The following ZNF180 variants were observed in gnomAD, a reference collection of about 807,000 sequenced individuals.
ZNF180 encodes the protein zinc finger protein 180 (HHZ168).
ZNF180 carries 11 observed loss-of-function variants against 11.8 expected under a neutral mutation model. That is an observed-to-expected ratio of 0.93 (90% CI 0.59 to 1.55). ZNF180 has a LOEUF of 1.55. Among genes scored for constraint, ZNF180 ranks in the 40% most tolerant of loss-of-function variants. The pLI is 0.00. For missense variants in ZNF180, 773 were observed against 781.7 expected (o/e 0.99, Z 0.13); for synonymous variants, 287 against 257.7 (o/e 1.11, Z -1.09).
At chr19:44,498,552 A>G (rs1970649927) in intron 1 of ZNF180, among the ~76,000 whole-genome samples, 1 of 151,890 alleles carries the variant, frequency 6.6e-6, no homozygotes. Context: ...TTTCCACCAA[A>G]CTGGGCACCA....
rs143503504 is a variant in ZNF180 at position 44,481,239 on chromosome 19, C to T, written c.127-1830G>A. 2.0e-3 allele frequency among the ~76,000 whole-genome samples: 308 copies of T among 152,258 alleles called. 1 individual carries two copies. Among genetic ancestry groups the T allele is most frequent in the African/African-American group, 7.0e-3 (290 of 41,530 alleles). The stretch of plus-strand genomic sequence containing the variant: ...AAATAGACCAGGCATTCTTGAGCTG[C>T]AGTTCATGAATAGGATACAGGGTCC... On this transcript the variant is annotated intron_variant, in intron 3 of 4. Transcript: ENST00000592529.
chr19:44,482,435 C>T (rs1468256500), intron 3 of ZNF180, among the ~76,000 whole-genome samples: 1 of 152,098 alleles, frequency 6.6e-6, no homozygotes, highest in Non-Finnish European at 1.5e-5. Flanking sequence ...TCCTCAGAGG[C>T]TAAGAATGCT....
chr19:44,490,360 A>C (rs990355105), intron 2 of ZNF180, among the ~76,000 whole-genome samples: 5 of 152,262 alleles, frequency 3.3e-5, no homozygotes, highest in Non-Finnish European at 7.3e-5. Flanking sequence ...AAAATAGCCC[A>C]AAATGCCAGA....
intron 2 of ZNF180, chr19:44,484,819 A>G (rs926020): frequency 0.63 from 128,702 of 202,750 alleles, 42,243 homozygotes; most frequent in East Asian, 0.89. Flanking sequence ...AATACAGCAT[A>G]ACCAATGCCA....
intron 1 of ZNF180, among the ~76,000 whole-genome samples, chr19:44,497,606 T>A (rs1270968633): frequency 6.6e-6 from 1 of 152,094 alleles, no homozygotes; most frequent in Non-Finnish European, 1.5e-5. Context: ...TCCACCATCT[T>A]GGGCCCCTGG....
chr19:44,485,420 C>A (rs978863451), intron 2 of ZNF180, among the ~76,000 whole-genome samples: 2 of 152,254 alleles, frequency 1.3e-5, no homozygotes, highest in Admixed American at 6.5e-5. Flanking sequence ...AATTCAATAA[C>A]ACATTTTATT....
rs1480104093 is a variant in ZNF180, at chr19:44,477,527, T to C, written c.873A>G (p.Glu291=). ...QVLNPKISHN[E]QQRIPFEESQ... Reference sequence around the variant, plus strand: ...TCTCTTCAAAAGGAATTCTCTGTTGTTCATTATGGGATATTTTGGGGTTCA... The same window carrying C: ...TCTCTTCAAAAGGAATTCTCTGTTGCTCATTATGGGATATTTTGGGGTTCA... The change falls in exon 5 of 5, where the codon GAA becomes GAG. Residue 291 remains glutamate, a synonymous_variant. Transcript: ENST00000592529. 1 of 1,614,174 alleles carries C rather than the reference T, an allele frequency of 6.2e-7. No homozygotes were observed. The highest frequency in any genetic ancestry group is 8.5e-7 in the Non-Finnish European group (1 of 1,180,024).
chr19:44,482,247 G>A (rs915379254), intron 3 of ZNF180, among the ~76,000 whole-genome samples: 1 of 152,190 alleles, frequency 6.6e-6, no homozygotes, highest in Non-Finnish European at 1.5e-5. Flanking sequence ...ATTCAAGGCT[G>A]CAGTGAGCCA....
chr19:44,477,734 AT>A lies in ZNF180; in HGVS notation c.665del (p.Asn222MetfsTer62), dbSNP rs1969960919. Reference protein sequence around the residue: ...INENETLYENNECGKPPQSIH... With the variant: ...INENETLYENXECGKPPQSIH... Reference sequence around the variant, plus strand: ...TGCTCTGAGGGGGTTTTCCACATTCATTATTTTCATATAGTGTCTCATTCTC... The same window carrying A: ...TGCTCTGAGGGGGTTTTCCACATTCATATTTTCATATAGTGTCTCATTCTC... On this transcript the variant is annotated frameshift_variant, in exon 5 of 5. Transcript: ENST00000592529. LOFTEE classifies it low-confidence loss of function (END_TRUNC). 2 of 1,613,948 alleles carry A rather than the reference AT, an allele frequency of 1.2e-6. No individual in the cohort carries two copies. The highest frequency in any genetic ancestry group is 3.3e-5 in the Admixed American group (2 of 60,002).
At chr19:44,478,529 T>C (rs184837671) in intron 4 of ZNF180, among the ~76,000 whole-genome samples, 4 of 152,336 alleles carry the variant, frequency 2.6e-5, no homozygotes, top group Non-Finnish European at 5.9e-5. Context: ...CACTAAGAGA[T>C]TAGTGTCTAC....
chr19:44,493,301 T>G (rs1970494964), intron 2 of ZNF180, among the ~76,000 whole-genome samples: 1 of 152,228 alleles, frequency 6.6e-6, no homozygotes, highest in African/African-American at 2.4e-5. Context: ...GCTCAAGGCC[T>G]TCGCTGGACC....
chr19:44,478,300 T>C (rs150432954), intron 4 of ZNF180, among the ~76,000 whole-genome samples, 154 bp from the exon 5 acceptor site: 1 of 152,350 alleles, frequency 6.6e-6, no homozygotes, highest in East Asian at 1.9e-4. Flanking sequence ...TGAGATAAAG[T>C]ATTAAGTACA....
At chr19:44,492,264 G>A (rs561431143) in intron 2 of ZNF180, among the ~76,000 whole-genome samples, 1 of 152,302 alleles carries the variant, frequency 6.6e-6, no homozygotes, top group African/African-American at 2.4e-5. Flanking sequence ...TTGAGTAGGA[G>A]CACAATAAAA....
chr19:44,478,215 CAAGA>C (rs1163582352), intron 4 of ZNF180, 69 bp from the exon 5 acceptor site: 3 of 1,419,212 alleles, frequency 2.1e-6, no homozygotes, highest in African/African-American at 2.9e-5. Context: ...ATAAAGCTAA[CAAGA>C]AAGTATGAAA....
chr19:44,480,329 T>C (rs1970045212), intron 3 of ZNF180, among the ~76,000 whole-genome samples: 1 of 152,176 alleles, frequency 6.6e-6, no homozygotes. Flanking sequence ...GGTCTCAGAC[T>C]CCTGTGTTCA....
At position 44,477,317 on chromosome 19, in the gene ZNF180, T is replaced by A. The variant is rs183862306; in HGVS notation, c.1083A>T (p.Lys361Asn). ...CAAGGTGCGAGCTCCGGCTGAAGGA[T>A]TTTCCACATTCACTACATTCATAAG... Reference protein sequence around the residue: ...EKPYECSECGKSFSRSSHLVS... With the variant: ...EKPYECSECGNSFSRSSHLVS... Residue 361 changes from lysine to asparagine, a missense_variant, in exon 5 of 5, where the codon AAA becomes AAT. Physicochemically the swap from Lys to Asn is moderately conservative, Grantham distance 94. Transcript: ENST00000592529. 6.2e-7 allele frequency: 1 copy of A among 1,612,310 alleles called. No homozygotes were observed. The highest frequency in any genetic ancestry group is 1.1e-5 in the South Asian group (1 of 90,964).
chr19:44,499,917 G>T (rs562818380), intron 1 of ZNF180, among the ~76,000 whole-genome samples: 7 of 152,310 alleles, frequency 4.6e-5, no homozygotes, highest in African/African-American at 1.7e-4. Context: ...CTGCAATGGA[G>T]CACTCCATCA....
In ZNF180 at chr19:44,477,369, T is replaced by G. The variant is rs146532451; in HGVS notation, c.1031A>C (p.His344Pro). ...TTTCTCCCCTGTGTGAGTTCTCTGA[T>G]GTGCAACAAGATGCGAGCTCCAGCT... is the stretch of plus-strand genomic sequence containing the variant. ...SFSWSSHLVA[H>P]QRTHTGEKPY... is the part of the protein sequence containing the mutation. The change falls in exon 5 of 5, where the codon CAT (histidine) becomes CCT (proline). Residue 344 changes from histidine to proline, a missense_variant. By Grantham distance (77) the His-to-Pro change is moderately conservative. Coordinates refer to ENST00000592529, the MANE Select transcript of ZNF180 (RefSeq NM_001278509.3). 5 of 1,614,024 alleles carry G rather than the reference T, an allele frequency of 3.1e-6. No individual in the cohort carries two copies. Among genetic ancestry groups the G allele is most frequent in the East Asian group, 2.2e-5 (1 of 44,886 alleles).
In ZNF180 at chr19:44,477,195, C is replaced by A. The variant is rs1969925915; in HGVS notation, c.1205G>T (p.Arg402Ile). 2 of 1,613,334 alleles carry A rather than the reference C, an allele frequency of 1.2e-6. No individual in the cohort carries two copies. Among genetic ancestry groups the A allele is most frequent in the East Asian group, 2.2e-5 (1 of 44,872 alleles). ...ATAAGGCTTCTCCCCAGTATGAGTT[C>A]TTTGATGCACAACAAGGACATAACT... ...SQSYVLVVHQRTHTGEKPYEC... is the reference protein window; with the variant it reads ...SQSYVLVVHQITHTGEKPYEC... Residue 402 changes from arginine to isoleucine, a missense_variant, in exon 5 of 5, where the codon AGA (arginine) becomes ATA (isoleucine). Physicochemically the swap from Arg to Ile is moderately conservative, Grantham distance 97 (BLOSUM62 -3). Coordinates refer to ENST00000592529, the MANE Select transcript of ZNF180 (RefSeq NM_001278509.3).
Sources: allele counts gnomAD v4.1 joint callset (sites outside exome capture counted in the v4.1 genomes callset), GRCh38; gene constraint gnomAD v4.1.1; transcripts MANE v1.5; gene names NCBI Gene and HGNC (gene_info 2026-07-23, HGNC 2026-07-21).